ZSCAN25: variants seen among roughly 807,000 people sequenced by gnomAD.
The protein encoded by ZSCAN25 is zinc finger and SCAN domain containing 25.
A neutral mutation model predicts 38.7 loss-of-function variants in ZSCAN25; 27 were observed. That is an observed-to-expected ratio of 0.70 (90% CI 0.51 to 0.96). The LOEUF is 0.96. Ranked by LOEUF, ZSCAN25 falls within the 40% of genes least tolerant of loss-of-function variation. The pLI, the probability that ZSCAN25 is intolerant of heterozygous loss-of-function variation, is 0.00. For missense variants in ZSCAN25, 637 were observed against 705.9 expected, an observed-to-expected ratio of 0.90 and a Z score of 1.11; for synonymous variants, 273 against 277.7, an observed-to-expected ratio of 0.98 and a Z score of 0.17.
At chr7:99,646,626 T>C in the ZSCAN25 span, among the ~76,000 whole-genome samples, 2 of 152,222 alleles carry the variant, frequency 1.3e-5, no homozygotes, top group Non-Finnish European at 2.9e-5. Context: ...TGGGCTCATC[T>C]TGAACATTTT....
chr7:99,620,130 T>C, intron 4 of ZSCAN25, 137 bp downstream of exon 4: 1 of 1,292,330 alleles, frequency 7.7e-7, no homozygotes, highest in Non-Finnish European at 1.0e-6. Flanking sequence ...CCTGAGGTTC[T>C]TTTTGGAGAG....
the ZSCAN25 span, chr7:99,663,987 C>T: frequency 2.7e-5 from 43 of 1,587,366 alleles, no homozygotes; most frequent in Admixed American, 7.9e-5. Flanking sequence ...GTCGTTGAGG[C>T]GACTTTTCTT....
chr7:99,627,615 GC>G (rs1414910008), intron 7 of ZSCAN25, among the ~76,000 whole-genome samples: 2 of 151,072 alleles, frequency 1.3e-5, no homozygotes, highest in Non-Finnish European at 2.9e-5. Context: ...TCAAGAACAG[GC>G]AAAAAAGTCC....
rs566234274 is a variant in ZSCAN25 at position 99,631,943 on chromosome 7, C to G, written c.*1923C>G. On this transcript the variant is annotated 3_prime_UTR_variant, in exon 8 of 8. Coordinates refer to ENST00000394152, the MANE Select transcript of ZSCAN25 (RefSeq NM_145115.3). ...CAGCTAGGCAGGGCTGACAGCCAGG[C>G]AGACTCAGTGGGAGGCTTCTGGCCT... 8.1e-6 allele frequency: 8 copies of G among 985,498 alleles called. No individual in the cohort carries two copies. In the African/African-American group the frequency reaches 1.2e-4, roughly 15 times the overall value. 61.0% of individuals were successfully genotyped at this position (985,498 alleles called of 1,614,324 possible).
the ZSCAN25 span, among the ~76,000 whole-genome samples, chr7:99,651,343 A>G: frequency 5.3e-5 from 8 of 152,212 alleles, no homozygotes; most frequent in African/African-American, 1.9e-4. Flanking sequence ...TATAAATCAT[A>G]TGAATTTCTC....
the ZSCAN25 span, chr7:99,676,371 C>G: frequency 6.5e-7 from 1 of 1,528,234 alleles, no homozygotes; most frequent in East Asian, 2.5e-5. Context: ...CTCATCAGGT[C>G]CTTTCCTGAC....
At chr7:99,697,425 G>A in the ZSCAN25 span, among the ~76,000 whole-genome samples, 1 of 152,158 alleles carries the variant, frequency 6.6e-6, no homozygotes. Context: ...CACAAGGTTG[G>A]TCCCAGAGAG....
At chr7:99,662,532 AG>A in the ZSCAN25 span, among the ~76,000 whole-genome samples, 14 of 152,254 alleles carry the variant, frequency 9.2e-5, no homozygotes, top group East Asian at 2.7e-3. The surrounding 1 kb of genome is among the most constrained non-coding windows in gnomAD (Gnocchi z 4.3). Context: ...GATCTGGAGG[AG>A]GCTGAGAACT....
chr7:99,728,864 A>G, the ZSCAN25 span, among the ~76,000 whole-genome samples: 4 of 151,940 alleles, frequency 2.6e-5, no homozygotes, highest in Admixed American at 2.6e-4. Flanking sequence ...TTCTGCTAGC[A>G]TTACAGATAC....
the ZSCAN25 span, among the ~76,000 whole-genome samples, chr7:99,639,840 AG>A: frequency 1.3e-5 from 2 of 152,064 alleles, no homozygotes; most frequent in African/African-American, 4.8e-5. Context: ...CTGAGGTGGG[AG>A]GATCACTTGA....
the ZSCAN25 span, among the ~76,000 whole-genome samples, chr7:99,683,071 AAATCATTTTCAAATATCATTTCC>A: frequency 6.6e-5 from 10 of 152,160 alleles, no homozygotes; most frequent in African/African-American, 2.4e-4. Flanking sequence ...TATCATTTGG[AAATCATTTTCAAATATCATTTCC>A]AAACATTACT....
At chr7:99,671,998 C>T in the ZSCAN25 span, 1 of 611,598 alleles carries the variant, frequency 1.6e-6, no homozygotes, top group Non-Finnish European at 2.9e-6. Flanking sequence ...ATTTCCTGTA[C>T]TATAGTATTA....
the ZSCAN25 span, among the ~76,000 whole-genome samples, chr7:99,647,265 T>C: frequency 1.2e-4 from 19 of 152,190 alleles, no homozygotes; most frequent in African/African-American, 3.9e-4. Flanking sequence ...TCCATGTGGA[T>C]GCCTTCCCCA....
At chr7:99,644,593 A>G in the ZSCAN25 span, among the ~76,000 whole-genome samples, 1 of 152,184 alleles carries the variant, frequency 6.6e-6, no homozygotes. Flanking sequence ...CGCCCTTTGC[A>G]GCCTATTACT....
the ZSCAN25 span, among the ~76,000 whole-genome samples, chr7:99,716,915 G>A: frequency 6.6e-6 from 1 of 152,224 alleles, no homozygotes; most frequent in Non-Finnish European, 1.5e-5. Context: ...GATGTATTTA[G>A]TCCTCCAGAA....
rs181270748 is a variant in ZSCAN25, at chr7:99,632,270, T to C, written c.*2250T>C. ...TGGTAGTCTGATTTTTCATATCTATTCAAATGTTAAGAAATATTTTGTTTT... is the reference window on the plus strand; with the variant it reads ...TGGTAGTCTGATTTTTCATATCTATCCAAATGTTAAGAAATATTTTGTTTT... On this transcript the variant is annotated 3_prime_UTR_variant, in exon 8 of 8. Coordinates refer to ENST00000394152, the MANE Select transcript of ZSCAN25 (RefSeq NM_145115.3). The C allele has an allele frequency of 1.6e-5, 16 of 981,290 alleles. No homozygotes were observed. Among genetic ancestry groups the C allele is most frequent in the Non-Finnish European group, 1.9e-5 (16 of 826,250 alleles). 60.8% of individuals were successfully genotyped at this position (981,290 alleles called of 1,614,324 possible). A position where few individuals can be genotyped will look rare whatever the true frequency, so the allele number is the denominator to read the frequency against.
At chr7:99,691,222 T>C in the ZSCAN25 span, among the ~76,000 whole-genome samples, 1 of 149,108 alleles carries the variant, frequency 6.7e-6, no homozygotes, top group Non-Finnish European at 1.5e-5. Flanking sequence ...ATGTACTCAC[T>C]CAAAGGTTGG....
In ZSCAN25 at chr7:99,624,093, C is replaced by T; in HGVS notation, c.718C>T (p.Pro240Ser). ...ATTTAAAGATATGGCCCTGGCCTTC[C>T]CTGAGGAGGAGTGGAGGCATGTGAC... ...GPFKDMALAFPEEEWRHVTPA... is the reference protein window; with the variant it reads ...GPFKDMALAFSEEEWRHVTPA... Residue 240 changes from proline (P) to serine (S), a missense_variant, in exon 7 of 8, where the codon CCT (proline) becomes TCT (serine). Physicochemically the swap from Pro to Ser is moderately conservative, Grantham distance 74. Coordinates refer to ENST00000394152, the MANE Select transcript of ZSCAN25 (RefSeq NM_145115.3). 6.2e-7 allele frequency: 1 copy of T among 1,614,136 alleles called. No individual in the cohort carries two copies. Among genetic ancestry groups the T allele is most frequent in the Non-Finnish European group, 8.5e-7 (1 of 1,180,032 alleles).
the ZSCAN25 span, among the ~76,000 whole-genome samples, chr7:99,692,031 A>G: frequency 6.6e-6 from 1 of 152,184 alleles, no homozygotes; most frequent in Non-Finnish European, 1.5e-5. Flanking sequence ...AGTGTCTGGT[A>G]GCAGTTCTTT....
Sources: gnomAD v4.1 joint callset for allele counts (sites outside exome capture counted in the v4.1 genomes callset) on GRCh38, gnomAD v4.1.1 for gene constraint, Gnocchi (gnomAD v3.1) non-coding constraint, MANE v1.5 for transcripts, NCBI Gene and HGNC (gene_info 2026-07-23, HGNC 2026-07-21) for gene names.